Variants in CSMD1 observed in about 807,000 individuals in gnomAD.
The protein encoded by CSMD1 is CUB and sushi domain-containing protein 1.
CSMD1 carries 213 observed loss-of-function variants against 417.5 expected under a neutral mutation model. The observed-to-expected ratio is 0.51, with a 90% CI of 0.46 to 0.57. CSMD1 has a LOEUF of 0.57. Ranked by LOEUF, CSMD1 falls within the 20% of genes least tolerant of loss-of-function variation. The pLI is 0.00. For missense variants in CSMD1, 6,923 were observed against 4,529.7 expected, an observed-to-expected ratio of 1.53 and a Z score of -15.17; for synonymous variants, 2,862 against 1,736.8, an observed-to-expected ratio of 1.65 and a Z score of -16.11.
intron 4 of CSMD1, among the ~76,000 whole-genome samples, chr8:4,027,725 C>T (rs747090448): frequency 1.5e-4 from 23 of 152,060 alleles, no homozygotes; most frequent in African/African-American, 5.3e-4. Flanking sequence ...GCCCATTGAA[C>T]AAACTTGAAG....
chr8:4,974,663 A>C (rs1240632734), intron 1 of CSMD1, among the ~76,000 whole-genome samples: 1 of 152,184 alleles, frequency 6.6e-6, no homozygotes, highest in East Asian at 1.9e-4. Flanking sequence ...GCATGTACAA[A>C]TAATGGTTAG....
intron 2 of CSMD1, among the ~76,000 whole-genome samples, chr8:4,545,202 G>T (rs1316008704): frequency 2.0e-5 from 3 of 152,184 alleles, no homozygotes. Context: ...CTGAACAATG[G>T]AATTTGCATT....
chr8:4,675,201 A>G (rs187087944), intron 1 of CSMD1, among the ~76,000 whole-genome samples: 2 of 152,368 alleles, frequency 1.3e-5, no homozygotes, highest in Non-Finnish European at 2.9e-5. Context: ...AACCTGTTCT[A>G]GTGAACAATT....
intron 1 of CSMD1, among the ~76,000 whole-genome samples, chr8:4,713,743 C>T (rs893885674): frequency 6.6e-6 from 1 of 152,304 alleles, no homozygotes; most frequent in Admixed American, 6.5e-5. Context: ...GCCCCTGAGG[C>T]AACTCCACGG....
chr8:4,092,971 G>C (rs777660610), intron 3 of CSMD1, among the ~76,000 whole-genome samples: 7 of 152,080 alleles, frequency 4.6e-5, no homozygotes, highest in Admixed American at 1.3e-4. Flanking sequence ...TGTGTGGGGA[G>C]TATCTTATAC....
At chr8:4,787,652 G>C in intron 1 of CSMD1, 1 of 1,586,090 alleles carries the variant, frequency 6.3e-7, no homozygotes, top group Non-Finnish European at 8.6e-7. Context: ...AAGAAATCCT[G>C]GTGTCAAGGA....
chr8:3,998,207 T>C (rs923357112), intron 4 of CSMD1, 97 bp from the exon 5 acceptor site: 2 of 1,097,670 alleles, frequency 1.8e-6, no homozygotes, highest in African/African-American at 3.2e-5. Flanking sequence ...GCGACAAATA[T>C]TTTCTGAACC....
intron 7 of CSMD1, among the ~76,000 whole-genome samples, chr8:3,677,889 C>T (rs1799460754): frequency 6.6e-6 from 1 of 152,132 alleles, no homozygotes; most frequent in South Asian, 2.1e-4. Flanking sequence ...TTTTTTCCAT[C>T]ATGAAACACC....
chr8:4,743,132 T>C (rs1023955358), intron 1 of CSMD1, among the ~76,000 whole-genome samples: 3 of 152,106 alleles, frequency 2.0e-5, no homozygotes, highest in Non-Finnish European at 4.4e-5. Context: ...CCAAGAAAAA[T>C]AACCAAACTT....
chr8:3,274,330 G>T (rs1802100125), intron 26 of CSMD1, among the ~76,000 whole-genome samples: 1 of 152,138 alleles, frequency 6.6e-6, no homozygotes, highest in Non-Finnish European at 1.5e-5. Context: ...TATTTGCTGA[G>T]GAGTGCTTTA....
rs553431866 is a variant in CSMD1, at chr8:4,735,955, C to G, written c.86-98397G>C. On this transcript the variant is annotated intron_variant, in intron 1 of 69. Coordinates refer to ENST00000635120, the MANE Select transcript of CSMD1 (RefSeq NM_033225.6). ...ACCGGTTGCAACATAAAAATGTTAT[C>G]CTATTTAACACTTTCCTGAACTGAG... Among the ~76,000 whole-genome samples the G allele has an allele frequency of 3.9e-5, 6 of 152,224 alleles. No individual in the cohort carries two copies. In the South Asian group the frequency reaches 1.0e-3, roughly 26 times the overall value.
intron 3 of CSMD1, among the ~76,000 whole-genome samples, chr8:4,141,047 G>C (rs770843379): frequency 1.3e-5 from 2 of 151,242 alleles, no homozygotes; most frequent in African/African-American, 2.5e-5. Flanking sequence ...CATCTATTTA[G>C]TTCTAACAAA....
At chr8:3,765,267 A>G (rs2129057174) in intron 5 of CSMD1, among the ~76,000 whole-genome samples, 1 of 152,216 alleles carries the variant, frequency 6.6e-6, no homozygotes, top group Middle Eastern at 3.4e-3. Flanking sequence ...CTGTGCAGTC[A>G]ATCTATGCTA....
intron 10 of CSMD1, among the ~76,000 whole-genome samples, chr8:3,549,674 C>G (rs10113101): frequency 0.064 from 9,711 of 152,194 alleles, 647 homozygotes; most frequent in African/African-American, 0.17. Context: ...ATCTAGCTAG[C>G]CCCCTTCAAC....
rs144003839 is a variant in CSMD1 at position 4,712,798 on chromosome 8, G to A, written c.86-75240C>T. ...GACCACTGCCTGTTGGTTTCGTGCT[G>A]AGGCACATACATGACTGTACTATCT... On this transcript the variant is annotated intron_variant, in intron 1 of 69. Coordinates refer to ENST00000635120, the MANE Select transcript of CSMD1 (RefSeq NM_033225.6). Among the ~76,000 whole-genome samples, 396 of 152,278 alleles carry A rather than the reference G, an allele frequency of 2.6e-3. 4 individuals carry two copies. Among genetic ancestry groups the A allele is most frequent in the African/African-American group, 9.2e-3 (381 of 41,568 alleles).
chr8:3,951,732 G>T (rs1811614254), intron 5 of CSMD1, among the ~76,000 whole-genome samples: 3 of 152,004 alleles, frequency 2.0e-5, no homozygotes, highest in Non-Finnish European at 4.4e-5. Flanking sequence ...AACAACATGG[G>T]GGGCATTAAA....
At chr8:4,798,187 G>GGTGT (rs1221972253) in intron 1 of CSMD1, among the ~76,000 whole-genome samples, 2 of 151,912 alleles carry the variant, frequency 1.3e-5, no homozygotes, top group East Asian at 1.9e-4. Context: ...GACAGGCCCC[G>GGTGT]GTGTGTGATG....
intron 3 of CSMD1, among the ~76,000 whole-genome samples, chr8:4,269,827 G>C (rs373791798): frequency 3.3e-5 from 5 of 152,250 alleles, no homozygotes; most frequent in South Asian, 4.1e-4. Flanking sequence ...ATTACAAGTA[G>C]TGCCAATCTA....
intron 26 of CSMD1, among the ~76,000 whole-genome samples, chr8:3,245,415 A>G (rs1440136102): frequency 6.6e-6 from 1 of 152,224 alleles, no homozygotes. Context: ...TCTCTTTCTT[A>G]GAGCATTTTG....
Sources: gnomAD v4.1 joint callset for allele counts (sites outside exome capture counted in the v4.1 genomes callset) on GRCh38, gnomAD v4.1.1 for gene constraint, MANE v1.5 for transcripts, NCBI Gene and HGNC (gene_info 2026-07-23, HGNC 2026-07-21) for gene names.